The following SLC15A5 variants were observed in gnomAD, a reference collection of about 807,000 sequenced individuals.
The protein encoded by SLC15A5 is Peptide/histidine transporter ENSP00000340402.
In SLC15A5, 58 loss-of-function variants were observed where a neutral mutation model predicts 56.1. That is an observed-to-expected ratio of 1.03 (90% CI 0.84 to 1.29). The LOEUF is 1.29. Ranked by LOEUF, SLC15A5 falls within the 50% of genes most tolerant of loss-of-function variation. The pLI is 0.00. For synonymous variants in SLC15A5, 264 were observed against 250.5 expected, an observed-to-expected ratio of 1.05 and a Z score of -0.51; for missense variants, 681 against 672.1, an observed-to-expected ratio of 1.01 and a Z score of -0.15.
In SLC15A5 at chr12:16,257,824, T is replaced by C. The variant is rs1864592512; in HGVS notation, c.631A>G (p.Ile211Val). ...NLNATIVFLG[I>V]SYIQHSQAWA... Reference sequence around the variant, plus strand: ...GCCTGTGAGTGCTGGATGTAAGATATTCCCAGAAACACAATAGTTGCATTT... The same window carrying C: ...GCCTGTGAGTGCTGGATGTAAGATACTCCCAGAAACACAATAGTTGCATTT... Residue 211 changes from isoleucine to valine, a missense_variant, in exon 3 of 9, where the codon ATA (isoleucine) becomes GTA (valine). By Grantham distance (29) the Ile-to-Val change is conservative. Coordinates refer to ENST00000344941, the MANE Select transcript of SLC15A5 (RefSeq NM_001170798.1). 1 of 1,520,642 alleles carries C rather than the reference T, an allele frequency of 6.6e-7. No individual in the cohort carries two copies. The allele number at this position is 1,520,642 out of a possible 1,614,324, so 94.2% of individuals were successfully genotyped here.
At chr12:16,190,823 T>C (rs534122724) in intron 8 of SLC15A5, among the ~76,000 whole-genome samples, 2 of 152,282 alleles carry the variant, frequency 1.3e-5, no homozygotes, top group Middle Eastern at 3.4e-3. Context: ...TCACTTTCAA[T>C]AATTCTTACA....
At chr12:16,210,923 A>G (rs1009888685) in intron 7 of SLC15A5, among the ~76,000 whole-genome samples, 20 of 152,184 alleles carry the variant, frequency 1.3e-4, no homozygotes, top group African/African-American at 4.6e-4. Context: ...ACATAAAACC[A>G]TTGTATGAGG....
chr12:16,269,779 A>G lies in SLC15A5; in HGVS notation c.584+2782T>C, dbSNP rs1864731406. ...AGTAACCCCTTAGCAACAGACTGTGATATGCAGATAGGATGCAAATTATCA... is the reference window on the plus strand; with the variant it reads ...AGTAACCCCTTAGCAACAGACTGTGGTATGCAGATAGGATGCAAATTATCA... On this transcript the variant is annotated intron_variant, in intron 2 of 8. Coordinates refer to ENST00000344941, the MANE Select transcript of SLC15A5 (RefSeq NM_001170798.1). This position sits in a 1 kb window ranked among gnomAD's most constrained non-coding sequence, Gnocchi z 4.7. Among the ~76,000 whole-genome samples the G allele has an allele frequency of 2.0e-5, 3 of 152,204 alleles. No homozygotes were observed. In the South Asian group the frequency reaches 6.2e-4, roughly 31 times the overall value.
In SLC15A5 at chr12:16,243,450, C is replaced by G. The variant is rs76640978; in HGVS notation, c.975+1130G>C. Among the ~76,000 whole-genome samples, 9 of 152,286 alleles carry G rather than the reference C, an allele frequency of 5.9e-5. No homozygotes were observed. In the East Asian group the frequency reaches 1.7e-3, roughly 29 times the overall value. On this transcript the variant is annotated intron_variant, in intron 4 of 8. Transcript: ENST00000344941. This position sits in a 1 kb window ranked among gnomAD's most constrained non-coding sequence, Gnocchi z 4.4. ...TTTCGAATTCCCGATCTCAGGTAAT[C>G]TGCCTGCCTCGGCCTCCCAAAGTGC...
intron 5 of SLC15A5, among the ~76,000 whole-genome samples, chr12:16,236,816 G>C (rs966842789): frequency 2.6e-5 from 4 of 152,108 alleles, no homozygotes; most frequent in African/African-American, 9.7e-5. Flanking sequence ...GTATTTCATG[G>C]CACTAACTGG....
intron 5 of SLC15A5, among the ~76,000 whole-genome samples, chr12:16,226,454 T>C (rs961296311): frequency 2.0e-5 from 3 of 152,130 alleles, no homozygotes; most frequent in Non-Finnish European, 4.4e-5. Flanking sequence ...AAAAAAGATA[T>C]ATGAGTCAAA....
At position 16,239,955 on chromosome 12, in the gene SLC15A5, C is replaced by T. The variant is rs993003030; in HGVS notation, c.976-88G>A. The T allele has an allele frequency of 3.4e-6, 4 of 1,193,234 alleles. No individual in the cohort carries two copies. In the African/African-American group the frequency reaches 4.6e-5, roughly 14 times the overall value. 73.9% of individuals were successfully genotyped at this position (1,193,234 alleles called of 1,614,324 possible). A position where few individuals can be genotyped will look rare whatever the true frequency, so the allele number is the denominator to read the frequency against. The stretch of plus-strand genomic sequence containing the variant: ...TCCACCAGAGGCCTACCCTCTTGCA[C>T]GTACTCTGTGATGGATGAGCTGGAT... On this transcript the variant is annotated intron_variant, in intron 4 of 8. Transcript: ENST00000344941.
rs886101908 is a variant in SLC15A5 at position 16,189,674 on chromosome 12, G to T, written c.1734C>A (p.Ala578=). ...FSSSIDLWET[A]L ...GGTAGACTCAAACACAGTTTCATAG[G>T]GCTGTCTCCCAAAGATCAATACTTG... is the stretch of plus-strand genomic sequence containing the variant. The change falls in exon 9 of 9, where the codon GCC becomes GCA. Residue 578 remains alanine (A), a synonymous_variant. Transcript: ENST00000344941. The T allele has an allele frequency of 1.3e-6, 2 of 1,506,146 alleles. No homozygotes were observed. Among genetic ancestry groups the T allele is most frequent in the South Asian group, 1.3e-5 (1 of 78,094 alleles). The allele number at this position is 1,506,146 out of a possible 1,614,324, so 93.3% of individuals were successfully genotyped here.
Position 16,239,875 on chromosome 12 carries a change from C to A in SLC15A5, c.976-8G>T. On this transcript the variant is annotated splice_region_variant and splice_polypyrimidine_tract_variant and intron_variant, in intron 4 of 8. Coordinates refer to ENST00000344941, the MANE Select transcript of SLC15A5 (RefSeq NM_001170798.1). ...ATAATATCCTGAAGGAATCTGTATT[C>A]GAGAGGGAAACATCCATGCATTAAG... 1.3e-6 allele frequency: 2 copies of A among 1,534,806 alleles called. No homozygotes were observed. The highest frequency in any genetic ancestry group is 1.2e-5 in the South Asian group (1 of 83,680).
At chr12:16,195,793 C>G (rs1234687014) in intron 7 of SLC15A5, among the ~76,000 whole-genome samples, 1 of 152,106 alleles carries the variant, frequency 6.6e-6, no homozygotes, top group Non-Finnish European at 1.5e-5. Context: ...TCATAGTCAG[C>G]AAGTGCATAA....
chr12:16,200,385 TC>T (rs1863943136), intron 7 of SLC15A5, among the ~76,000 whole-genome samples: 1 of 151,758 alleles, frequency 6.6e-6, no homozygotes, highest in Non-Finnish European at 1.5e-5. Context: ...AGTAATGAAA[TC>T]ATAAAAAAAT....
At chr12:16,212,720 A>G (rs1332821559) in intron 7 of SLC15A5, among the ~76,000 whole-genome samples, 1 of 152,174 alleles carries the variant, frequency 6.6e-6, no homozygotes, top group Non-Finnish European at 1.5e-5. Context: ...AATTTTATCA[A>G]TTACCTGGAA....
At chr12:16,264,248 T>C (rs1450438438) in intron 2 of SLC15A5, among the ~76,000 whole-genome samples, 5 of 152,098 alleles carry the variant, frequency 3.3e-5, no homozygotes, top group Non-Finnish European at 7.4e-5. Flanking sequence ...AGACATGGAG[T>C]CAAAGGAGAT....
intron 5 of SLC15A5, among the ~76,000 whole-genome samples, chr12:16,234,012 G>T (rs998493060): frequency 1.3e-5 from 2 of 152,174 alleles, no homozygotes; most frequent in Non-Finnish European, 2.9e-5. Flanking sequence ...CAAAAAAAGT[G>T]TGAGACTGAG....
chr12:16,201,087 G>A (rs1007901033), intron 7 of SLC15A5, among the ~76,000 whole-genome samples: 1 of 152,078 alleles, frequency 6.6e-6, no homozygotes, highest in African/African-American at 2.4e-5. Flanking sequence ...GAGTACTTAG[G>A]TAAACATTAA....
intron 4 of SLC15A5, among the ~76,000 whole-genome samples, chr12:16,242,370 ACTTT>A (rs879377475): frequency 0.48 from 73,169 of 151,742 alleles, 17,862 homozygotes; most frequent in Middle Eastern, 0.54. Flanking sequence ...TGTATCAGGG[ACTTT>A]TAACCCAATG....
chr12:16,195,835 C>G (rs536247836), intron 7 of SLC15A5, among the ~76,000 whole-genome samples: 27 of 152,176 alleles, frequency 1.8e-4, no homozygotes, highest in African/African-American at 6.0e-4. Context: ...GTGCCACTTC[C>G]CATTTAAAGC....
chr12:16,253,239 G>A (rs1864536761), intron 3 of SLC15A5, among the ~76,000 whole-genome samples: 1 of 151,972 alleles, frequency 6.6e-6, no homozygotes, highest in African/African-American at 2.4e-5. Flanking sequence ...TCTTGGACAT[G>A]ACAATAAAAC....
At chr12:16,261,716 T>C (rs570182709) in intron 2 of SLC15A5, among the ~76,000 whole-genome samples, 2 of 152,340 alleles carry the variant, frequency 1.3e-5, no homozygotes, top group Non-Finnish European at 2.9e-5. Context: ...TTCTAATCTC[T>C]TCATATCCCT....
Sources: gnomAD v4.1 joint callset for allele counts (sites outside exome capture counted in the v4.1 genomes callset) on GRCh38, gnomAD v4.1.1 for gene constraint, Gnocchi (gnomAD v3.1) non-coding constraint, MANE v1.5 for transcripts, NCBI Gene and HGNC (gene_info 2026-07-23, HGNC 2026-07-21) for gene names.